SNTG1: variants seen among roughly 807,000 people sequenced by gnomAD.
SNTG1 encodes the protein gamma-1-syntrophin.
Under a neutral mutation model 74.7 loss-of-function variants are expected in SNTG1, and 39 were observed. The observed-to-expected ratio is 0.52, with a 90% CI of 0.40 to 0.68. SNTG1 has a LOEUF of 0.68. Among genes scored for constraint, SNTG1 ranks in the 30% least tolerant of loss-of-function variants. SNTG1 has a pLI of 0.00. For synonymous variants in SNTG1, 254 were observed against 217.1 expected (o/e 1.17, Z -1.49); for missense variants, 685 against 609.5 (o/e 1.12, Z -1.30).
intron 1 of SNTG1, among the ~76,000 whole-genome samples, chr8:50,032,734 C>T (rs1453109382): frequency 2.0e-5 from 3 of 152,192 alleles, no homozygotes; most frequent in Non-Finnish European, 4.4e-5. Flanking sequence ...AAGTAACTCT[C>T]CTTCACTTCC....
intron 1 of SNTG1, among the ~76,000 whole-genome samples, chr8:49,932,105 A>G (rs1236107629): frequency 6.6e-6 from 1 of 152,126 alleles, no homozygotes; most frequent in Non-Finnish European, 1.5e-5. Flanking sequence ...ACCCTTCCCC[A>G]TTTCATGAAG....
chr8:50,280,006 TCTA>T (rs2088348190), intron 2 of SNTG1, among the ~76,000 whole-genome samples: 1 of 152,196 alleles, frequency 6.6e-6, no homozygotes, highest in African/African-American at 2.4e-5. Flanking sequence ...AAGGGTAACT[TCTA>T]CTCTGTTTTC....
intron 11 of SNTG1, among the ~76,000 whole-genome samples, chr8:50,539,034 CT>C (rs2094327526): frequency 6.6e-6 from 1 of 151,824 alleles, no homozygotes; most frequent in South Asian, 2.1e-4. Flanking sequence ...AAAATAACTT[CT>C]TTTTTGAAGT....
rs2130491052 is a variant in SNTG1 at position 50,004,801 on chromosome 8, G to GC, written c.-103+92573dup. On this transcript the variant is annotated intron_variant, in intron 1 of 18. Coordinates refer to ENST00000642720, the MANE Select transcript of SNTG1 (RefSeq NM_018967.5). Reference sequence around the variant, plus strand: ...TTTGAGAGAGAAGAAGCACCAGGTAGCCCTATGGCTACTTAGAACTAAAAG... The same window carrying GC: ...TTTGAGAGAGAAGAAGCACCAGGTAGCCCCTATGGCTACTTAGAACTAAAAG... Among the ~76,000 whole-genome samples, 3 of 152,284 alleles carry GC rather than the reference G, an allele frequency of 2.0e-5. No individual in the cohort carries two copies. The East Asian group carries it at 5.8e-4, about 29-fold the overall frequency.
At chr8:50,665,120 G>A (rs1172993264) in intron 15 of SNTG1, among the ~76,000 whole-genome samples, 1 of 152,034 alleles carries the variant, frequency 6.6e-6, no homozygotes, top group East Asian at 1.9e-4. Context: ...GAGCAATACA[G>A]TCACACTGAT....
chr8:50,104,260 A>C (rs1285236526), intron 1 of SNTG1, among the ~76,000 whole-genome samples: 1 of 152,018 alleles, frequency 6.6e-6, no homozygotes, highest in Non-Finnish European at 1.5e-5. Flanking sequence ...GTCTATTCAG[A>C]GATTCAACTT....
chr8:50,353,458 A>G (rs899501329), intron 2 of SNTG1, among the ~76,000 whole-genome samples: 4 of 152,220 alleles, frequency 2.6e-5, no homozygotes, highest in Non-Finnish European at 4.4e-5. Context: ...TTAGCATTGC[A>G]AATGTGCAGG....
At chr8:50,479,290 C>A (rs540358936) in intron 8 of SNTG1, among the ~76,000 whole-genome samples, 1 of 151,670 alleles carries the variant, frequency 6.6e-6, no homozygotes, top group East Asian at 1.9e-4. Flanking sequence ...TTTAATAGAA[C>A]TTGGGCATTG....
chr8:50,084,148 T>G (rs1446863950), intron 1 of SNTG1, among the ~76,000 whole-genome samples: 1 of 152,106 alleles, frequency 6.6e-6, no homozygotes, highest in Non-Finnish European at 1.5e-5. Context: ...AAATAGTGTA[T>G]GCTAGAAAAT....
intron 11 of SNTG1, among the ~76,000 whole-genome samples, chr8:50,552,041 G>A (rs2094430298): frequency 1.3e-5 from 2 of 152,116 alleles, no homozygotes; most frequent in Non-Finnish European, 1.5e-5. Flanking sequence ...AGCCAGGAAA[G>A]GTGTTTGGAG....
At chr8:50,626,450 G>T (rs995766217) in intron 13 of SNTG1, among the ~76,000 whole-genome samples, 1 of 152,186 alleles carries the variant, frequency 6.6e-6, no homozygotes, top group African/African-American at 2.4e-5. Flanking sequence ...CATGTGGAGT[G>T]GGAAATCAGG....
chr8:50,770,674 A>G (rs1281928124), intron 18 of SNTG1, among the ~76,000 whole-genome samples: 6 of 152,080 alleles, frequency 3.9e-5, no homozygotes, highest in African/African-American at 9.7e-5. Context: ...TTGATTCTCA[A>G]TGTGACAGTG....
At chr8:50,719,761 A>T (rs963058560) in intron 17 of SNTG1, among the ~76,000 whole-genome samples, 2 of 152,198 alleles carry the variant, frequency 1.3e-5, no homozygotes, top group Admixed American at 6.5e-5. Flanking sequence ...GATTAAAATA[A>T]ATATTGTAAT....
chr8:50,254,358 C>T (rs999149060), intron 2 of SNTG1, among the ~76,000 whole-genome samples: 15 of 152,088 alleles, frequency 9.9e-5, no homozygotes, highest in African/African-American at 3.4e-4. Flanking sequence ...CACCTTCATC[C>T]GTGTACCTTT....
At chr8:50,191,933 CAA>C (rs936249317) in intron 2 of SNTG1, among the ~76,000 whole-genome samples, 4 of 152,054 alleles carry the variant, frequency 2.6e-5, no homozygotes, top group African/African-American at 9.7e-5. Flanking sequence ...GTAATAAAAA[CAA>C]AGAAAAATAG....
chr8:49,967,942 T>C (rs1811298574), intron 1 of SNTG1, among the ~76,000 whole-genome samples: 1 of 152,212 alleles, frequency 6.6e-6, no homozygotes, highest in Non-Finnish European at 1.5e-5. Context: ...TGCACTTTTC[T>C]ACACAGATAC....
chr8:50,225,233 A>G (rs904292086), intron 2 of SNTG1, among the ~76,000 whole-genome samples: 9 of 151,942 alleles, frequency 5.9e-5, no homozygotes, highest in Admixed American at 4.6e-4. Flanking sequence ...CAGCCTCCCA[A>G]AGTGCGTATT....
At chr8:50,008,160 T>C (rs1177654082) in intron 1 of SNTG1, among the ~76,000 whole-genome samples, 2 of 152,136 alleles carry the variant, frequency 1.3e-5, no homozygotes, top group Admixed American at 1.3e-4. Context: ...AACCCACATG[T>C]TTCTATGTAG....
At chr8:50,019,221 T>C (rs1372526514) in intron 1 of SNTG1, among the ~76,000 whole-genome samples, 2 of 152,046 alleles carry the variant, frequency 1.3e-5, no homozygotes, top group Non-Finnish European at 2.9e-5. Context: ...GATTTTATAG[T>C]ATGTGAAATG....
Sources: allele counts gnomAD v4.1 joint callset (sites outside exome capture counted in the v4.1 genomes callset), GRCh38; gene constraint gnomAD v4.1.1; transcripts MANE v1.5; gene names NCBI Gene and HGNC (gene_info 2026-07-23, HGNC 2026-07-21).